Variants in TMEM132D observed in about 807,000 individuals in gnomAD.
TMEM132D encodes mature OL transmembrane protein.
Under a neutral mutation model 62.3 loss-of-function variants are expected in TMEM132D, and 21 were observed. The observed-to-expected ratio is 0.34, with a 90% CI of 0.24 to 0.49. The LOEUF (loss-of-function observed/expected upper bound fraction) is 0.49. TMEM132D is among the 20% of genes least tolerant of loss of function. The pLI is 0.99. For missense variants in TMEM132D, 1,346 were observed against 1,402.8 expected (o/e 0.96, Z 0.65); for synonymous variants, 621 against 575.6 (o/e 1.08, Z -1.13).
intron 5 of TMEM132D, among the ~76,000 whole-genome samples, chr12:129,098,426 A>G (rs907663920): frequency 1.3e-5 from 2 of 152,180 alleles, no homozygotes; most frequent in Non-Finnish European, 2.9e-5. Context: ...GCTTTTTCAA[A>G]CCATGCAGTG....
chr12:129,123,019 T>C (rs1010268410), intron 5 of TMEM132D, among the ~76,000 whole-genome samples: 1 of 152,132 alleles, frequency 6.6e-6, no homozygotes, highest in Non-Finnish European at 1.5e-5. Context: ...TTTTCTCAAA[T>C]CTGAGGATAA....
chr12:129,809,559 GCTTCTAAGTGAACACATCCTCAACATTAT>G (rs1872103775), intron 1 of TMEM132D, among the ~76,000 whole-genome samples: 1 of 152,168 alleles, frequency 6.6e-6, no homozygotes, highest in East Asian at 1.9e-4. Context: ...CTAAGATTTA[GCTTCTAAGTGAACACATCCTCAACATTAT>G]CAAGTCCTTT....
chr12:129,325,079 C>T (rs1233525697), intron 4 of TMEM132D, among the ~76,000 whole-genome samples: 1 of 152,118 alleles, frequency 6.6e-6, no homozygotes, highest in Non-Finnish European at 1.5e-5. Context: ...ATCTACCTCA[C>T]CCAAAGTCTG....
At chr12:129,544,440 AAT>A in intron 2 of TMEM132D, among the ~76,000 whole-genome samples, 1 of 152,332 alleles carries the variant, frequency 6.6e-6, no homozygotes, top group Non-Finnish European at 1.5e-5. Context: ...TGTTGGCATA[AAT>A]GCCATTGGTA....
In TMEM132D at chr12:129,215,776, C is replaced by T. The variant is rs553481394; in HGVS notation, c.1300-6113G>A. On this transcript the variant is annotated intron_variant, in intron 4 of 8. Transcript: ENST00000422113. Reference sequence around the variant, plus strand: ...AAAAAGAGGTTTAATGGACTCAGTTCCAGGTGGCTGGGGAGGCCTCACAGT... The same window carrying T: ...AAAAAGAGGTTTAATGGACTCAGTTTCAGGTGGCTGGGGAGGCCTCACAGT... 1.4e-4 allele frequency among the ~76,000 whole-genome samples: 21 copies of T among 152,248 alleles called. No homozygotes were observed. The East Asian group carries it at 4.0e-3, about 29-fold the overall frequency.
intron 2 of TMEM132D, among the ~76,000 whole-genome samples, chr12:129,659,860 A>G (rs1395615925): frequency 6.6e-6 from 1 of 152,180 alleles, no homozygotes; most frequent in East Asian, 1.9e-4. Context: ...TGAGAAACAA[A>G]ATTGTTCCTA....
At chr12:129,156,592 C>T (rs1565981072) in intron 5 of TMEM132D, among the ~76,000 whole-genome samples, 1 of 152,124 alleles carries the variant, frequency 6.6e-6, no homozygotes, top group Non-Finnish European at 1.5e-5. Flanking sequence ...ATAACACCCT[C>T]CCAATGGAGT....
chr12:129,455,202 C>T (rs960671141), intron 3 of TMEM132D, among the ~76,000 whole-genome samples: 1 of 152,200 alleles, frequency 6.6e-6, no homozygotes, highest in Non-Finnish European at 1.5e-5. Context: ...GAATAAGACA[C>T]TCAGAGCATT....
intron 1 of TMEM132D, among the ~76,000 whole-genome samples, chr12:129,817,457 C>A (rs1331942958): frequency 2.8e-5 from 2 of 71,850 alleles, no homozygotes; most frequent in South Asian, 5.0e-4. Context: ...ACCAACCGCT[C>A]GCTCTCTCTC....
intron 5 of TMEM132D, chr12:129,086,097 C>G (rs1438174436): frequency 6.6e-6 from 1 of 152,228 alleles, no homozygotes; most frequent in Admixed American, 6.5e-5. Flanking sequence ...AACTGCATCA[C>G]TCTAGGCTGT....
intron 1 of TMEM132D, among the ~76,000 whole-genome samples, chr12:129,736,615 G>GAA (rs5801879): frequency 0.31 from 46,878 of 151,082 alleles, 7,312 homozygotes; most frequent in East Asian, 0.39. Context: ...TTATAGTATT[G>GAA]AAAAAAAAAC....
rs561952082 is a variant in TMEM132D at position 129,717,188 on chromosome 12, C to T, written c.80-16490G>A. Among the ~76,000 whole-genome samples the T allele has an allele frequency of 4.1e-4, 62 of 152,234 alleles. 1 individual carries two copies. The highest frequency in any genetic ancestry group is 1.4e-3 in the African/African-American group (57 of 41,558). Reference sequence around the variant, plus strand: ...GACAGCCCTGCAAGGGAAGCACACCCGTCTTAATCCAGGAAGGCCATTTCT... The same window carrying T: ...GACAGCCCTGCAAGGGAAGCACACCTGTCTTAATCCAGGAAGGCCATTTCT... On this transcript the variant is annotated intron_variant, in intron 1 of 8. Transcript: ENST00000422113.
At chr12:129,575,120 A>G (rs958438986) in intron 2 of TMEM132D, among the ~76,000 whole-genome samples, 8 of 151,856 alleles carry the variant, frequency 5.3e-5, no homozygotes, top group Non-Finnish European at 1.0e-4. Context: ...AGTGGAATGT[A>G]GGCCCTCAAT....
chr12:129,338,310 C>T (rs1197025818), intron 3 of TMEM132D, among the ~76,000 whole-genome samples: 2 of 152,010 alleles, frequency 1.3e-5, no homozygotes, highest in Non-Finnish European at 2.9e-5. Flanking sequence ...TGCACAGAAA[C>T]AGGCAACGTG....
chr12:129,167,600 C>T (rs555708791), intron 5 of TMEM132D, among the ~76,000 whole-genome samples: 1 of 152,040 alleles, frequency 6.6e-6, no homozygotes, highest in African/African-American at 2.4e-5. Flanking sequence ...GGACCTTTGT[C>T]TTCTCTTGGT....
chr12:129,236,009 A>T (rs1216987958), intron 4 of TMEM132D, among the ~76,000 whole-genome samples: 1 of 152,018 alleles, frequency 6.6e-6, no homozygotes, highest in Non-Finnish European at 1.5e-5. Flanking sequence ...TATTTGCAGC[A>T]TCTTCAATTT....
At chr12:129,153,572 A>G (rs1877142696) in intron 5 of TMEM132D, among the ~76,000 whole-genome samples, 1 of 152,154 alleles carries the variant, frequency 6.6e-6, no homozygotes, top group Non-Finnish European at 1.5e-5. Flanking sequence ...AACGATTTTC[A>G]CAAGCTGATC....
At chr12:129,488,347 C>T (rs1429219674) in intron 3 of TMEM132D, among the ~76,000 whole-genome samples, 1 of 152,176 alleles carries the variant, frequency 6.6e-6, no homozygotes, top group African/African-American at 2.4e-5. Flanking sequence ...ATTCCAATCA[C>T]TAAACTATAT....
In TMEM132D at chr12:129,089,340, A is replaced by G. The variant is rs374822132; in HGVS notation, c.1444-4638T>C. Among the ~76,000 whole-genome samples, 33 of 16,174 alleles carry G rather than the reference A, an allele frequency of 2.0e-3. 3 individuals carry two copies. Among genetic ancestry groups the G allele is most frequent in the Admixed American group, 5.2e-3 (6 of 1,152 alleles). The allele number at this position is 16,174 out of a possible 152,430, so 10.6% of individuals were successfully genotyped here. A position where few individuals can be genotyped will look rare whatever the true frequency, so the allele number is the denominator to read the frequency against. On this transcript the variant is annotated intron_variant, in intron 5 of 8. Coordinates refer to ENST00000422113, the MANE Select transcript of TMEM132D (RefSeq NM_133448.3). ...TGACCGGGTGTCCTCCCTGACCGGG[A>G]TGTCCTCCATGACCGGGGTGTCCTC...
Sources: gnomAD v4.1 joint callset for allele counts (sites outside exome capture counted in the v4.1 genomes callset) on GRCh38, gnomAD v4.1.1 for gene constraint, MANE v1.5 for transcripts, NCBI Gene and HGNC (gene_info 2026-07-23, HGNC 2026-07-21) for gene names.